The following IL1R1 variants were observed in gnomAD, a reference collection of about 807,000 sequenced individuals.
The protein encoded by IL1R1 is interleukin 1 receptor type 1, also known as interleukin-1 receptor type 1.
A neutral mutation model predicts 50.2 loss-of-function variants in IL1R1; 22 were observed. The ratio of observed to expected loss-of-function variants is 0.44; its 90% CI spans 0.31 to 0.63. IL1R1 has a LOEUF of 0.63. Ranked by LOEUF, IL1R1 falls within the 20% of genes least tolerant of loss-of-function variation. The pLI, the probability that IL1R1 is intolerant of heterozygous loss-of-function variation, is 0.07. For missense variants in IL1R1, 509 were observed against 676.2 expected, an observed-to-expected ratio of 0.75 and a Z score of 2.74; for synonymous variants, 251 against 236.7, an observed-to-expected ratio of 1.06 and a Z score of -0.55.
intron 6 of IL1R1, among the ~76,000 whole-genome samples, chr2:102,166,943 C>T (rs1685232106): frequency 6.6e-6 from 1 of 152,132 alleles, no homozygotes. Flanking sequence ...AACCATGTTT[C>T]ATATTGAAAA....
upstream of IL1R1, among the ~76,000 whole-genome samples, chr2:102,100,576 C>A (rs1354066005): frequency 6.6e-6 from 1 of 152,206 alleles, no homozygotes; most frequent in African/African-American, 2.4e-5. Flanking sequence ...GGTAATCTCA[C>A]CATCTAACAA....
intron 1 of IL1R1, among the ~76,000 whole-genome samples, chr2:102,080,450 A>C (rs1679155854): frequency 6.6e-6 from 1 of 152,232 alleles, no homozygotes; most frequent in Non-Finnish European, 1.5e-5. Flanking sequence ...AAGATAGATA[A>C]AGGGTTGCTA....
At chr2:102,175,734 TA>T in intron 11 of IL1R1, 89 bp downstream of exon 11, 2 of 1,213,692 alleles carry the variant, frequency 1.6e-6, no homozygotes, top group Non-Finnish European at 2.5e-6. Context: ...GATCGTGGCA[TA>T]GGGGTATATG....
At chr2:102,146,519 C>T (rs1683137398) in intron 1 of IL1R1, among the ~76,000 whole-genome samples, 1 of 152,048 alleles carries the variant, frequency 6.6e-6, no homozygotes, top group South Asian at 2.1e-4. Flanking sequence ...GGACAGCTGG[C>T]ATGGGGTGGG....
At position 102,176,818 on chromosome 2, in the gene IL1R1, G is replaced by A. The variant is rs541420069; in HGVS notation, c.*59G>A. The A allele has an allele frequency of 2.7e-6, 4 of 1,493,148 alleles. No homozygotes were observed. Among genetic ancestry groups the A allele is most frequent in the Non-Finnish European group, 2.8e-6 (3 of 1,084,828 alleles). 92.5% of individuals were successfully genotyped at this position (1,493,148 alleles called of 1,614,324 possible). A position where few individuals can be genotyped will look rare whatever the true frequency, so the allele number is the denominator to read the frequency against. On this transcript the variant is annotated 3_prime_UTR_variant, in exon 12 of 12. Coordinates refer to ENST00000410023, the MANE Select transcript of IL1R1 (RefSeq NM_000877.4). The stretch of plus-strand genomic sequence containing the variant: ...TCCTGTCTTATGGCGTTGCAGGCCA[G>A]GTTATGCCTCATGCTGACTTGCAGA...
In IL1R1 at chr2:102,176,877, C is replaced by A; in HGVS notation, c.*118C>A. 1.1e-6 allele frequency: 1 copy of A among 941,756 alleles called. No homozygotes were observed. Among genetic ancestry groups the A allele is most frequent in the Non-Finnish European group, 1.6e-6 (1 of 615,276 alleles). The allele number at this position is 941,756 out of a possible 1,614,324, so 58.3% of individuals were successfully genotyped here. On this transcript the variant is annotated 3_prime_UTR_variant, in exon 12 of 12. Transcript: ENST00000410023. The stretch of plus-strand genomic sequence containing the variant: ...AATGTAACTATATCATCCTTTATCC[C>A]TGAGGTCACCTGGAATCAGATTATT...
chr2:102,161,579 C>CAG lies in IL1R1; in HGVS notation c.62-3194_62-3193dup, dbSNP rs1259264450. 3.3e-5 allele frequency among the ~76,000 whole-genome samples: 5 copies of CAG among 152,182 alleles called. No homozygotes were observed. The East Asian group carries it at 7.7e-4, about 23-fold the overall frequency. ...GCAGAACCAGTTTCTCTAGTTCTTG[C>CAG]AGTTCTGTCAGTTTTTGCTTCATGT... is the stretch of plus-strand genomic sequence containing the variant. On this transcript the variant is annotated intron_variant, in intron 3 of 11. Transcript: ENST00000410023.
intron 1 of IL1R1, among the ~76,000 whole-genome samples, chr2:102,113,264 C>T (rs1680877926): frequency 6.6e-6 from 1 of 152,222 alleles, no homozygotes; most frequent in African/African-American, 2.4e-5. Flanking sequence ...ATAGAATAGG[C>T]TCAAAGCACA....
chr2:102,127,681 G>C (rs1416833414), intron 1 of IL1R1, among the ~76,000 whole-genome samples: 3 of 151,024 alleles, frequency 2.0e-5, no homozygotes, highest in African/African-American at 7.3e-5. Flanking sequence ...GTGTGTGTGT[G>C]TGTGTGTGTG....
chr2:102,098,761 T>C (rs972742725), intron 1 of IL1R1, among the ~76,000 whole-genome samples: 5 of 152,228 alleles, frequency 3.3e-5, no homozygotes, highest in African/African-American at 1.2e-4. Flanking sequence ...CATGAATTAA[T>C]TTTCCATCTA....
intron 1 of IL1R1, among the ~76,000 whole-genome samples, chr2:102,108,441 T>A (rs1680549111): frequency 1.3e-5 from 2 of 152,140 alleles, no homozygotes; most frequent in African/African-American, 4.8e-5. Context: ...TTTGCTCAGC[T>A]CCCCAGTGGA....
intron 3 of IL1R1, 58 bp from the exon 4 acceptor site, chr2:102,164,716 A>C: frequency 1.8e-6 from 2 of 1,125,880 alleles, no homozygotes; most frequent in Non-Finnish European, 2.6e-6. Flanking sequence ...TAGATATTAA[A>C]TCAAGACACA....
chr2:102,086,846 T>C lies in IL1R1; in HGVS notation c.-84+16313T>C, dbSNP rs540598629. Among the ~76,000 whole-genome samples the C allele has an allele frequency of 2.2e-4, 33 of 152,324 alleles. 1 individual carries two copies. The East Asian group carries it at 4.0e-3, about 19-fold the overall frequency. On this transcript the variant is annotated intron_variant, in intron 1 of 11. Transcript: ENST00000409929. Reference sequence around the variant, plus strand: ...CTCTTTATTTTTTTGAGCATATTGATACACAACATGTGGACCTACTCAGAG... The same window carrying C: ...CTCTTTATTTTTTTGAGCATATTGACACACAACATGTGGACCTACTCAGAG...
chr2:102,161,285 C>G (rs564152990), intron 3 of IL1R1, among the ~76,000 whole-genome samples: 9 of 152,210 alleles, frequency 5.9e-5, no homozygotes, highest in African/African-American at 2.2e-4. Context: ...TCCATTGTCA[C>G]CAGAGAATAA....
chr2:102,099,596 T>A (rs925828796), upstream of IL1R1, among the ~76,000 whole-genome samples: 1 of 152,048 alleles, frequency 6.6e-6, no homozygotes, highest in Non-Finnish European at 1.5e-5. Flanking sequence ...TGAACAGCCT[T>A]TGTTATTGTT....
At chr2:102,081,609 C>T (rs547116256) in intron 1 of IL1R1, among the ~76,000 whole-genome samples, 1 of 152,330 alleles carries the variant, frequency 6.6e-6, no homozygotes, top group East Asian at 1.9e-4. Context: ...CAGTGAATAT[C>T]CAGCTTCCTG....
At chr2:102,122,586 T>G (rs547625037) in intron 1 of IL1R1, among the ~76,000 whole-genome samples, 20 of 152,184 alleles carry the variant, frequency 1.3e-4, no homozygotes, top group Middle Eastern at 3.4e-3. Flanking sequence ...ATGGGCCAGG[T>G]TTGTTCAAGC....
In IL1R1 at chr2:102,145,134, G is replaced by A. The variant is rs572824118; in HGVS notation, c.-84+2114G>A. On this transcript the variant is annotated intron_variant, in intron 1 of 11. Coordinates refer to ENST00000410023, the MANE Select transcript of IL1R1 (RefSeq NM_000877.4). ...CCTTATATTCTTATGCTACATAATG[G>A]ATATACTAGGTTCTTGCCATTTTAA... is the stretch of plus-strand genomic sequence containing the variant. 3.9e-5 allele frequency among the ~76,000 whole-genome samples: 6 copies of A among 152,328 alleles called. No homozygotes were observed. In the South Asian group the frequency reaches 1.2e-3, roughly 32 times the overall value.
At position 102,175,636 on chromosome 2, in the gene IL1R1, G is replaced by T; in HGVS notation, c.1294G>T (p.Val432Phe). ...KLFIYGRDDYVGEDIVEVINE... is the reference protein window; with the variant it reads ...KLFIYGRDDYFGEDIVEVINE... ...GTTCATTTATGGAAGGGATGACTAC[G>T]TTGGGGAAGGTATGTGTGTAATGGA... The change falls in exon 11 of 12, where the codon GTT becomes TTT. Residue 432 changes from valine (V) to phenylalanine (F), a missense_variant. Val to Phe is a conservative substitution (Grantham distance 50). Coordinates refer to ENST00000410023, the MANE Select transcript of IL1R1 (RefSeq NM_000877.4). The T allele has an allele frequency of 6.2e-7, 1 of 1,613,928 alleles. No homozygotes were observed. The highest frequency in any genetic ancestry group is 8.5e-7 in the Non-Finnish European group (1 of 1,179,842).
Sources: allele counts gnomAD v4.1 joint callset (sites outside exome capture counted in the v4.1 genomes callset), GRCh38; gene constraint gnomAD v4.1.1; transcripts MANE v1.5; gene names NCBI Gene and HGNC (gene_info 2026-07-23, HGNC 2026-07-21).